Variants in ANXA8 observed in about 807,000 individuals in gnomAD.
ANXA8 encodes annexin A8.
In ANXA8, 9 loss-of-function variants were observed where a neutral mutation model predicts 26.8. The ratio of observed to expected loss-of-function variants is 0.34; its 90% confidence interval spans 0.20 to 0.59. The LOEUF (loss-of-function observed/expected upper bound fraction) is 0.59. Among genes scored for constraint, ANXA8 ranks in the 20% least tolerant of loss-of-function variants. The pLI is 0.84. For synonymous variants in ANXA8, 39 were observed against 94.8 expected, an observed-to-expected ratio of 0.41 and a Z score of 3.42; for missense variants, 83 against 238.5, an observed-to-expected ratio of 0.35 and a Z score of 4.29.
chr10:47,740,975 G>A, the ANXA8 span, among the ~76,000 whole-genome samples: 35 of 151,892 alleles, frequency 2.3e-4, no homozygotes, highest in East Asian at 3.9e-4. Flanking sequence ...CAGCCAAAAC[G>A]GAGGCTTCCA....
the ANXA8 span, chr10:47,567,814 C>T: frequency 7.8e-6 from 2 of 254,998 alleles, no homozygotes; most frequent in South Asian, 5.4e-5. Flanking sequence ...GTTGAGAAAA[C>T]GATGGTAGGT....
the ANXA8 span, among the ~76,000 whole-genome samples, chr10:47,520,971 G>C: frequency 8.7e-6 from 1 of 115,470 alleles, no homozygotes; most frequent in African/African-American, 4.0e-5. Flanking sequence ...CAAAATATAA[G>C]ATGTATTCTA....
the ANXA8 span, among the ~76,000 whole-genome samples, chr10:47,910,778 TC>T: frequency 3.0e-5 from 2 of 66,464 alleles, 1 homozygote; most frequent in African/African-American, 1.1e-4. Context: ...CTTATCGGCT[TC>T]CGACTTTGAA....
At chr10:47,528,518 C>G in the ANXA8 span, among the ~76,000 whole-genome samples, 5 of 149,118 alleles carry the variant, frequency 3.4e-5, no homozygotes, top group Non-Finnish European at 7.4e-5. Context: ...AAGTGGGTAA[C>G]TTGAAAAGCA....
the ANXA8 span, chr10:47,568,022 T>C: frequency 1.3e-6 from 1 of 741,288 alleles, no homozygotes; most frequent in South Asian, 1.4e-5. Context: ...AGTATGAAAG[T>C]TTTTGTTTTT....
At chr10:47,600,453 C>T in the ANXA8 span, among the ~76,000 whole-genome samples, 10 of 148,128 alleles carry the variant, frequency 6.8e-5, no homozygotes, top group Non-Finnish European at 1.5e-4. Context: ...TGGATAGTGA[C>T]TTGAGAGCAA....
chr10:47,561,044 C>A, the ANXA8 span, among the ~76,000 whole-genome samples: 4 of 151,204 alleles, frequency 2.6e-5, no homozygotes, highest in African/African-American at 4.9e-5. Context: ...TTTCTGTGGG[C>A]CTCATCTGAC....
the ANXA8 span, among the ~76,000 whole-genome samples, chr10:47,989,414 G>A: frequency 5.9e-3 from 719 of 122,514 alleles, 32 homozygotes; most frequent in African/African-American, 0.019. Flanking sequence ...GGTGCGGTAG[G>A]TCTCAGGTGC....
At chr10:47,744,423 T>TGGGGGGGGAGGGGGGAAGGGGGGGGGTG in the ANXA8 span, among the ~76,000 whole-genome samples, 1 of 6,438 alleles carries the variant, frequency 1.6e-4, no homozygotes, top group Non-Finnish European at 2.7e-4. Flanking sequence ...GGGGGGGGGT[T>TGGGGGGGGAGGGGGGAAGGGGGGGGGTG]GGGGGGGAGG....
the ANXA8 span, among the ~76,000 whole-genome samples, chr10:47,521,750 C>T: frequency 3.3e-5 from 5 of 151,438 alleles, no homozygotes; most frequent in Middle Eastern, 3.4e-3. Context: ...CCTGCCTCTG[C>T]CAACAGTGTA....
chr10:47,621,902 G>A, the ANXA8 span, among the ~76,000 whole-genome samples: 248 of 52,038 alleles, frequency 4.8e-3, 35 homozygotes, highest in African/African-American at 0.011. Context: ...AAATAATAGC[G>A]TTGTGAGAAG....
the ANXA8 span, among the ~76,000 whole-genome samples, chr10:47,983,045 A>G: frequency 9.8e-6 from 1 of 102,198 alleles, no homozygotes; most frequent in Non-Finnish European, 2.1e-5. Context: ...ATACAACTAC[A>G]CACCCATTAG....
the ANXA8 span, among the ~76,000 whole-genome samples, chr10:47,595,852 T>C: frequency 6.7e-6 from 1 of 148,228 alleles, no homozygotes; most frequent in African/African-American, 2.6e-5. Context: ...AGATAGATTA[T>C]TGAGGCAGAA....
chr10:47,939,588 G>T, the ANXA8 span, among the ~76,000 whole-genome samples: 1 of 145,196 alleles, frequency 6.9e-6, no homozygotes, highest in Non-Finnish European at 1.5e-5. Context: ...CTACCTGCAG[G>T]CTGGACGCCT....
chr10:47,492,914 GCTCTCCTGGA>G, the ANXA8 span, among the ~76,000 whole-genome samples: 2 of 150,828 alleles, frequency 1.3e-5, no homozygotes, highest in African/African-American at 4.9e-5. Context: ...TCCTGGAGCT[GCTCTCCTGGA>G]TGTGTCGGGG....
At chr10:47,771,468 G>A in the ANXA8 span, among the ~76,000 whole-genome samples, 1 of 151,090 alleles carries the variant, frequency 6.6e-6, no homozygotes, top group Non-Finnish European at 1.5e-5. Context: ...TTGAAATGCT[G>A]ACCAAATAAA....
the ANXA8 span, among the ~76,000 whole-genome samples, chr10:47,981,054 C>T: frequency 1.7e-4 from 25 of 151,308 alleles, 1 homozygote; most frequent in African/African-American, 4.1e-4. Flanking sequence ...AAATTATCAA[C>T]AAAATACTAG....
chr10:47,654,171 G>A, the ANXA8 span, among the ~76,000 whole-genome samples: 2 of 150,784 alleles, frequency 1.3e-5, no homozygotes, highest in Admixed American at 1.3e-4. Flanking sequence ...TCAGTGTAGT[G>A]GGTTGTCATG....
the ANXA8 span, among the ~76,000 whole-genome samples, chr10:47,682,478 T>C: frequency 1.4e-5 from 2 of 146,090 alleles, no homozygotes; most frequent in East Asian, 2.0e-4. Flanking sequence ...TCTTTTTTTT[T>C]TTTTTTTTTG....
Sources: gnomAD v4.1 joint callset for allele counts (sites outside exome capture counted in the v4.1 genomes callset) on GRCh38, gnomAD v4.1.1 for gene constraint, MANE v1.5 for transcripts, NCBI Gene and HGNC (gene_info 2026-07-23, HGNC 2026-07-21) for gene names.